Variants in PSTPIP1 observed in about 807,000 individuals in gnomAD.
PSTPIP1 encodes the protein proline-serine-threonine phosphatase-interacting protein 1.
In PSTPIP1, 66 loss-of-function variants were observed where a neutral mutation model predicts 69.6. The observed-to-expected ratio is 0.95, with a 90% CI of 0.78 to 1.16. The LOEUF is 1.16. PSTPIP1 is among the 50% of genes most tolerant of loss of function. PSTPIP1 has a pLI of 0.00. For synonymous variants in PSTPIP1, 266 were observed against 222.7 expected (o/e 1.19, Z -1.73); for missense variants, 603 against 557.4 (o/e 1.08, Z -0.82).
intron 11 of PSTPIP1, 159 bp downstream of exon 11, chr15:77,032,553 C>T (rs1034808194): frequency 1.1e-5 from 8 of 708,760 alleles, no homozygotes; most frequent in African/African-American, 1.1e-4. Flanking sequence ...GGGTCCCAGG[C>T]CTGCTGCCTC....
At chr15:77,020,290 A>G (rs748007237) in intron 3 of PSTPIP1, among the ~76,000 whole-genome samples, 12 of 152,090 alleles carry the variant, frequency 7.9e-5, no homozygotes, top group African/African-American at 1.7e-4. Flanking sequence ...GCCCTGACTT[A>G]TCCTTTGTGT....
Position 77,027,495 on chromosome 15 carries a change from G to A in PSTPIP1, c.355-357G>A, listed in dbSNP as rs970723858. On this transcript the variant is annotated intron_variant, in intron 5 of 14. Transcript: ENST00000558012. This position sits in a 1 kb window ranked among gnomAD's most constrained non-coding sequence, Gnocchi z 4.3. Reference sequence around the variant, plus strand: ...TGTGGAACTCTGCATGTATGTGTGTGCCAGAGTGTACACACACGTGTGAGC... The same window carrying A: ...TGTGGAACTCTGCATGTATGTGTGTACCAGAGTGTACACACACGTGTGAGC... 2.0e-5 allele frequency among the ~76,000 whole-genome samples: 3 copies of A among 152,210 alleles called. No homozygotes were observed. Among genetic ancestry groups the A allele is most frequent in the African/African-American group, 7.2e-5 (3 of 41,444 alleles).
chr15:77,012,871 T>G (rs2075974157), intron 1 of PSTPIP1, among the ~76,000 whole-genome samples: 1 of 152,176 alleles, frequency 6.6e-6, no homozygotes. Flanking sequence ...TCATAAGGCC[T>G]TGTCCTCTTG....
chr15:77,037,088 T>C lies in PSTPIP1; in HGVS notation c.1163T>C (p.Val388Ala), dbSNP rs2076597377. 6.2e-7 allele frequency: 1 copy of C among 1,611,998 alleles called. No individual in the cohort carries two copies. Among genetic ancestry groups the C allele is most frequent in the Admixed American group, 1.7e-5 (1 of 59,966 alleles). ...LDLSAGDILE[V>A]ILEGEDGWWT... ...CTGTCCGCGGGAGACATCCTGGAGG[T>C]GATCCTGGAAGGGGAGGATGGCTGG... Residue 388 changes from valine (V) to alanine (A), a missense_variant, in exon 15 of 15, where the codon GTG becomes GCG. Val to Ala is a moderately conservative substitution (Grantham distance 64). Coordinates refer to ENST00000558012, the MANE Select transcript of PSTPIP1 (RefSeq NM_003978.5).
intron 1 of PSTPIP1, chr15:77,016,105 A>G: frequency 2.2e-6 from 1 of 454,732 alleles, no homozygotes; most frequent in South Asian, 1.5e-5. Flanking sequence ...TGGCCTCTCC[A>G]GAGGTATCAG....
intron 7 of PSTPIP1, 33 bp from the exon 8 acceptor site, chr15:77,029,496 G>A: frequency 7.7e-6 from 12 of 1,558,702 alleles, no homozygotes; most frequent in Non-Finnish European, 1.0e-5. Context: ...CCTGGGGCAG[G>A]GGCTTAGCGC....
chr15:77,027,570 C>T lies in PSTPIP1; in HGVS notation c.355-282C>T, dbSNP rs897563222. ...GGGATGCAGGATGAACGACTGTGTG[C>T]GCACGTGTGTTGGGGTGGGAACTCC... On this transcript the variant is annotated intron_variant, in intron 5 of 14. Transcript: ENST00000558012. This position sits in a 1 kb window ranked among gnomAD's most constrained non-coding sequence, Gnocchi z 4.3. Among the ~76,000 whole-genome samples, 5 of 152,172 alleles carry T rather than the reference C, an allele frequency of 3.3e-5. No individual in the cohort carries two copies. The highest frequency in any genetic ancestry group is 2.1e-4 in the South Asian group (1 of 4,838).
At chr15:77,014,628 C>T (rs2152676033) in intron 1 of PSTPIP1, among the ~76,000 whole-genome samples, 1 of 152,368 alleles carries the variant, frequency 6.6e-6, no homozygotes, top group African/African-American at 2.4e-5. Flanking sequence ...GCCCCTGCAG[C>T]CACCAAGAGT....
Position 77,004,142 on chromosome 15 carries a change from G to A in PSTPIP1, c.36+8533G>A, listed in dbSNP as rs572266965. On this transcript the variant is annotated intron_variant, in intron 1 of 14. Transcript: ENST00000558012. ...GAGAGGAAACTGAGCCTCTTGGAAG[G>A]AATGTGGGCCTGGGGGATGCCACAC... is the stretch of plus-strand genomic sequence containing the variant. 2.6e-5 allele frequency among the ~76,000 whole-genome samples: 4 copies of A among 152,346 alleles called. No homozygotes were observed. In the East Asian group the frequency reaches 7.7e-4, roughly 29 times the overall value.
intron 12 of PSTPIP1, among the ~76,000 whole-genome samples, chr15:77,033,711 C>T (rs1023442142): frequency 2.6e-5 from 4 of 152,250 alleles, no homozygotes. Context: ...GAGGCTGATG[C>T]AGTTCCCGGC....
chr15:77,029,788 C>G (rs879647122), intron 8 of PSTPIP1, among the ~76,000 whole-genome samples: 1 of 152,190 alleles, frequency 6.6e-6, no homozygotes, highest in Non-Finnish European at 1.5e-5. Flanking sequence ...CTCACAGCTG[C>G]CCTCCGAGGT....
At chr15:76,997,438 A>C (rs2075605214) in intron 1 of PSTPIP1, among the ~76,000 whole-genome samples, 1 of 152,254 alleles carries the variant, frequency 6.6e-6, no homozygotes, top group African/African-American at 2.4e-5. Flanking sequence ...ATCCCAGTGC[A>C]TAACAACTAA....
chr15:77,029,434 T>C, intron 7 of PSTPIP1, 95 bp from the exon 8 acceptor site: 2 of 1,418,834 alleles, frequency 1.4e-6, no homozygotes, highest in Non-Finnish European at 1.9e-6. Flanking sequence ...CCCCCCAGGG[T>C]GGCCGGGGAA....
intron 1 of PSTPIP1, among the ~76,000 whole-genome samples, chr15:77,013,313 G>T (rs2075982939): frequency 6.6e-6 from 1 of 152,148 alleles, no homozygotes; most frequent in Non-Finnish European, 1.5e-5. Context: ...GACTTTCACT[G>T]GAAGCCTCTG....
chr15:77,016,046 G>A lies in PSTPIP1; in HGVS notation c.37-2102G>A, dbSNP rs7173067. 0.74 allele frequency: 335,852 copies of A among 456,048 alleles called. 127,299 individuals carry two copies. The highest frequency in any genetic ancestry group is 0.87 in the Middle Eastern group (2,663 of 3,068). The allele number at this position is 456,048 out of a possible 1,614,324, so 28.3% of individuals were successfully genotyped here. ...ACTCTGGGGGCCTCCATAAGGACAG[G>A]AGAAGGGTTCCCTTGGCGTCAGGGC... On this transcript the variant is annotated intron_variant, in intron 1 of 14. Transcript: ENST00000558012.
intron 5 of PSTPIP1, among the ~76,000 whole-genome samples, chr15:77,026,996 AT>A (rs1213894734): frequency 6.6e-6 from 1 of 152,150 alleles, no homozygotes; most frequent in Non-Finnish European, 1.5e-5. Flanking sequence ...CTGTGTGTGT[AT>A]GTGCGTGTGC....
At chr15:77,021,460 C>G (rs1197919360) in intron 3 of PSTPIP1, among the ~76,000 whole-genome samples, 1 of 152,144 alleles carries the variant, frequency 6.6e-6, no homozygotes, top group African/African-American at 2.4e-5. Flanking sequence ...GGGAGGCTGA[C>G]CTGAGGTCAG....
intron 12 of PSTPIP1, among the ~76,000 whole-genome samples, chr15:77,034,999 T>C (rs1336236799): frequency 6.6e-6 from 1 of 152,208 alleles, no homozygotes; most frequent in Admixed American, 6.5e-5. Context: ...GGAGGAGGGC[T>C]GGCTCGGCCC....
chr15:77,007,806 G>A, intron 1 of PSTPIP1: 1 of 425,098 alleles, frequency 2.4e-6, no homozygotes, highest in Non-Finnish European at 4.7e-6. Context: ...TGGTTAGCCA[G>A]GATGGTCTCG....
Sources: allele counts gnomAD v4.1 joint callset (sites outside exome capture counted in the v4.1 genomes callset), GRCh38; gene constraint gnomAD v4.1.1; non-coding constraint Gnocchi (gnomAD v3.1); transcripts MANE v1.5; gene names NCBI Gene and HGNC (gene_info 2026-07-23, HGNC 2026-07-21).